The following RNF4 variants were observed in gnomAD, a reference collection of about 807,000 sequenced individuals.
RNF4 encodes E3 ubiquitin-protein ligase RNF4.
In RNF4, 7 loss-of-function variants were observed where a neutral mutation model predicts 24.3. The ratio of observed to expected loss-of-function variants is 0.29; its 90% CI spans 0.16 to 0.54. The LOEUF is 0.54. Among genes scored for constraint, RNF4 ranks in the 20% least tolerant of loss-of-function variants. The pLI, the probability that RNF4 is intolerant of heterozygous loss-of-function variation, is 0.95. For synonymous variants in RNF4, 83 were observed against 84.3 expected (o/e 0.98, Z 0.09); for missense variants, 209 against 248.5 (o/e 0.84, Z 1.07).
intron 1 of RNF4, among the ~76,000 whole-genome samples, chr4:2,484,328 C>A (rs1381626947): frequency 3.3e-5 from 5 of 151,854 alleles, no homozygotes; most frequent in African/African-American, 9.7e-5. Context: ...TGACTCTTTG[C>A]TCATAGGAAT....
Position 2,510,118 on chromosome 4 carries a change from G to A in RNF4, c.205-1838G>A, listed in dbSNP as rs563448753. Among the ~76,000 whole-genome samples, 10 of 152,262 alleles carry A rather than the reference G, an allele frequency of 6.6e-5. No individual in the cohort carries two copies. The South Asian group carries it at 1.7e-3, about 25-fold the overall frequency. ...GGGGAGCACGTTTCAGTGGCTCCAC[G>A]TATGTGGATTATATTCTCATCCTCA... On this transcript the variant is annotated intron_variant, in intron 4 of 7. Coordinates refer to ENST00000314289, the MANE Select transcript of RNF4 (RefSeq NM_002938.5).
intron 1 of RNF4, among the ~76,000 whole-genome samples, chr4:2,478,315 T>A (rs1189417535): frequency 6.6e-6 from 1 of 152,208 alleles, no homozygotes; most frequent in African/African-American, 2.4e-5. Flanking sequence ...AAATTCCATT[T>A]TCTGAGGGGA....
At chr4:2,493,465 C>G (rs1231808698) in intron 2 of RNF4, among the ~76,000 whole-genome samples, 1 of 152,058 alleles carries the variant, frequency 6.6e-6, no homozygotes, top group African/African-American at 2.4e-5. Flanking sequence ...ACATGGAGGT[C>G]TGCTTAGCAG....
intron 7 of RNF4, 150 bp downstream of exon 7, chr4:2,513,281 G>A: frequency 1.3e-6 from 1 of 793,162 alleles, no homozygotes; most frequent in Admixed American, 2.0e-5. Flanking sequence ...CTGCCTGTGA[G>A]GGGAGAATGT....
intron 4 of RNF4, among the ~76,000 whole-genome samples, chr4:2,509,015 C>A (rs1292595948): frequency 6.8e-6 from 1 of 147,434 alleles, no homozygotes; most frequent in East Asian, 2.0e-4. Flanking sequence ...ACCTCCCGGG[C>A]TCAAGTGATT....
Position 2,513,117 on chromosome 4 carries a change from G to T in RNF4, c.409G>T (p.Asp137Tyr). 6.2e-7 allele frequency: 1 copy of T among 1,613,856 alleles called. No individual in the cohort carries two copies. The highest frequency in any genetic ancestry group is 1.1e-5 in the South Asian group (1 of 91,080). ...SGTVSCPICM[D>Y]GYSEIVQNGR... ...TACTGTCAGTTGTCCCATCTGCATGGACGGATACTCAGAGGTAAGTAAACC... is the reference window on the plus strand; with the variant it reads ...TACTGTCAGTTGTCCCATCTGCATGTACGGATACTCAGAGGTAAGTAAACC... The change falls in exon 7 of 8, where the codon GAC becomes TAC. Residue 137 changes from aspartate (D) to tyrosine (Y), a missense_variant. Coordinates refer to ENST00000314289, the MANE Select transcript of RNF4 (RefSeq NM_002938.5).
intron 1 of RNF4, among the ~76,000 whole-genome samples, chr4:2,483,761 A>G (rs1252524268): frequency 1.3e-5 from 2 of 152,022 alleles, no homozygotes; most frequent in African/African-American, 4.8e-5. Context: ...CCAAGATCAC[A>G]CCACTGCACT....
intron 4 of RNF4, among the ~76,000 whole-genome samples, chr4:2,510,375 C>T (rs1736237749): frequency 6.6e-6 from 1 of 152,312 alleles, no homozygotes; most frequent in Non-Finnish European, 1.5e-5. Flanking sequence ...TGAAGAAGGT[C>T]TGGAGGCGGC....
intron 1 of RNF4, among the ~76,000 whole-genome samples, chr4:2,477,061 C>T (rs1334995851): frequency 2.0e-5 from 3 of 152,086 alleles, no homozygotes; most frequent in African/African-American, 7.2e-5. Context: ...GGATTATAAG[C>T]ATGAGCCACC....
At chr4:2,499,908 A>G (rs1442435601) in intron 3 of RNF4, among the ~76,000 whole-genome samples, 1 of 152,268 alleles carries the variant, frequency 6.6e-6, no homozygotes, top group South Asian at 2.1e-4. Flanking sequence ...TGTAATCCCA[A>G]CACTTTGGAA....
intron 3 of RNF4, among the ~76,000 whole-genome samples, chr4:2,498,448 A>G (rs965895055): frequency 2.0e-5 from 3 of 152,042 alleles, no homozygotes; most frequent in Admixed American, 1.3e-4. Flanking sequence ...TTGGCCTCCC[A>G]AAGTGCTGGG....
chr4:2,514,559 AGTT>A lies in RNF4; in HGVS notation c.*744_*746del, dbSNP rs1012954133. ...CCATCCCAGCCCGTTTCTGCCCACC[AGTT>A]GTTCTCAGGAACCTTACCCATGCTC... On this transcript the variant is annotated 3_prime_UTR_variant, in exon 8 of 8. Transcript: ENST00000314289. 2 of 153,232 alleles carry A rather than the reference AGTT, an allele frequency of 1.3e-5. No individual in the cohort carries two copies. Among genetic ancestry groups the A allele is most frequent in the African/African-American group, 2.4e-5 (1 of 41,438 alleles). The allele number at this position is 153,232 out of a possible 1,614,324, so 9.5% of individuals were successfully genotyped here.
rs906837955 is a variant in RNF4, at chr4:2,503,703, G to A, written c.204+2965G>A. 1.3e-5 allele frequency among the ~76,000 whole-genome samples: 2 copies of A among 152,232 alleles called. 1 individual carries two copies. Among genetic ancestry groups the A allele is most frequent in the African/African-American group, 4.8e-5 (2 of 41,448 alleles). On this transcript the variant is annotated intron_variant, in intron 4 of 7. Transcript: ENST00000314289. Reference sequence around the variant, plus strand: ...GGAGGCCTCTAATGCTAGTCACTGAGGATAAGGGGCATCTGTAGATGGATC... The same window carrying A: ...GGAGGCCTCTAATGCTAGTCACTGAAGATAAGGGGCATCTGTAGATGGATC...
chr4:2,501,435 G>A (rs1049831654), intron 4 of RNF4, among the ~76,000 whole-genome samples: 5 of 152,248 alleles, frequency 3.3e-5, no homozygotes, highest in African/African-American at 1.2e-4. Flanking sequence ...AGCCCAGGAG[G>A]CTGCCTGTGT....
At chr4:2,492,287 C>G (rs1735605736) in intron 2 of RNF4, among the ~76,000 whole-genome samples, 1 of 152,124 alleles carries the variant, frequency 6.6e-6, no homozygotes, top group African/African-American at 2.4e-5. Context: ...TCAAGCAGTC[C>G]TCCCACCTAG....
At chr4:2,495,001 C>G (rs748033728) in intron 2 of RNF4, among the ~76,000 whole-genome samples, 5 of 152,196 alleles carry the variant, frequency 3.3e-5, no homozygotes, top group Non-Finnish European at 5.9e-5. Context: ...TGAAGAGGAA[C>G]CTCTACTTTA....
At chr4:2,504,697 G>T (rs745571100) in intron 4 of RNF4, among the ~76,000 whole-genome samples, 2 of 145,982 alleles carry the variant, frequency 1.4e-5, no homozygotes, top group East Asian at 2.0e-4. Context: ...ACTACAGGCA[G>T]CCGCCACCAT....
chr4:2,514,499 C>G lies in RNF4; in HGVS notation c.*680C>G, dbSNP rs1196769334. The G allele has an allele frequency of 1.3e-5, 2 of 153,362 alleles. No individual in the cohort carries two copies. Among genetic ancestry groups the G allele is most frequent in the African/African-American group, 4.8e-5 (2 of 41,428 alleles). 9.5% of individuals were successfully genotyped at this position (153,362 alleles called of 1,614,324 possible). A position where few individuals can be genotyped will look rare whatever the true frequency, so the allele number is the denominator to read the frequency against. ...ACAAGATGTAGCACTATTAGTGTCC[C>G]CCTCAGAGGCTTAATGTTGCCTGTG... On this transcript the variant is annotated 3_prime_UTR_variant, in exon 8 of 8. Coordinates refer to ENST00000314289, the MANE Select transcript of RNF4 (RefSeq NM_002938.5).
chr4:2,512,366 C>T lies in RNF4; in HGVS notation c.215-72C>T, dbSNP rs944678247. On this transcript the variant is annotated intron_variant, in intron 5 of 7. Transcript: ENST00000314289. The surrounding 1 kb of genome is among the most constrained non-coding windows in gnomAD (Gnocchi z 4.1). ...AGGGAAGGAAGAGGGTCTTAAGAGG[C>T]GTCAGGATGGGAGTGGTGAGGATGG... 3 of 1,514,796 alleles carry T rather than the reference C, an allele frequency of 2.0e-6. No individual in the cohort carries two copies. The highest frequency in any genetic ancestry group is 1.4e-5 in the African/African-American group (1 of 72,478). The allele number at this position is 1,514,796 out of a possible 1,614,324, so 93.8% of individuals were successfully genotyped here. A position where few individuals can be genotyped will look rare whatever the true frequency, so the allele number is the denominator to read the frequency against.
Sources: gnomAD v4.1 joint callset for allele counts (sites outside exome capture counted in the v4.1 genomes callset) on GRCh38, gnomAD v4.1.1 for gene constraint, Gnocchi (gnomAD v3.1) non-coding constraint, MANE v1.5 for transcripts, NCBI Gene and HGNC (gene_info 2026-07-23, HGNC 2026-07-21) for gene names.